Variants in ATAD2B observed in about 807,000 individuals in gnomAD.
The protein encoded by ATAD2B is ATPase family AAA domain containing 2B.
A neutral mutation model predicts 167.6 loss-of-function variants in ATAD2B; 40 were observed. That is an observed-to-expected ratio of 0.24 (90% CI 0.19 to 0.31). The LOEUF (loss-of-function observed/expected upper bound fraction) is 0.31. Among genes scored for constraint, ATAD2B ranks in the 10% least tolerant of loss-of-function variants. ATAD2B has a pLI of 1.00. For missense variants in ATAD2B, 1,242 were observed against 1,757.2 expected, an observed-to-expected ratio of 0.71 and a Z score of 5.24; for synonymous variants, 579 against 596.5, an observed-to-expected ratio of 0.97 and a Z score of 0.43.
intron 1 of ATAD2B, among the ~76,000 whole-genome samples, chr2:23,918,673 A>G (rs1222025481): frequency 6.6e-6 from 1 of 152,168 alleles, no homozygotes; most frequent in African/African-American, 2.4e-5. Context: ...AGTTGTCTAT[A>G]AACAGTAGGT....
chr2:23,754,932 A>C, intron 25 of ATAD2B, 158 bp from the exon 26 acceptor site: 1 of 668,268 alleles, frequency 1.5e-6, no homozygotes, highest in Non-Finnish European at 2.3e-6. Flanking sequence ...AATGTGGTAG[A>C]TTTTTTATTG....
chr2:23,714,641 G>A, the ATAD2B span, among the ~76,000 whole-genome samples: 4 of 151,722 alleles, frequency 2.6e-5, no homozygotes, highest in African/African-American at 7.3e-5. Context: ...AATCACTTGA[G>A]GTCAGGAGTT....
intron 5 of ATAD2B, 136 bp downstream of exon 5, chr2:23,885,591 T>G (rs1698549398): frequency 1.8e-6 from 1 of 544,642 alleles, no homozygotes. Context: ...AGCAATAAAA[T>G]CCCAAACTAA....
chr2:23,838,627 T>C (rs1690380314), intron 13 of ATAD2B, among the ~76,000 whole-genome samples: 2 of 152,202 alleles, frequency 1.3e-5, no homozygotes, highest in Admixed American at 6.5e-5. Context: ...CAAATATAGA[T>C]CTAAAATCCA....
chr2:23,903,352 C>A (rs777036712), intron 1 of ATAD2B, among the ~76,000 whole-genome samples: 6 of 151,958 alleles, frequency 3.9e-5, no homozygotes, highest in Non-Finnish European at 7.4e-5. Flanking sequence ...AGAACACAAT[C>A]CAAGGATGAG....
chr2:23,771,466 C>T (rs946078660), intron 22 of ATAD2B, among the ~76,000 whole-genome samples: 5 of 152,164 alleles, frequency 3.3e-5, no homozygotes, highest in African/African-American at 1.2e-4. Flanking sequence ...AACTGAAAAG[C>T]GGGGATAGGG....
At chr2:23,856,715 C>A (rs1178135126) in intron 13 of ATAD2B, among the ~76,000 whole-genome samples, 1 of 151,704 alleles carries the variant, frequency 6.6e-6, no homozygotes, top group African/African-American at 2.4e-5. Context: ...ACAAAATTAG[C>A]CAGGCATGGC....
chr2:23,884,210 C>A (rs540402872), intron 6 of ATAD2B, among the ~76,000 whole-genome samples: 17 of 152,244 alleles, frequency 1.1e-4, no homozygotes, highest in African/African-American at 3.9e-4. Flanking sequence ...ATTTATAATT[C>A]ATGGGGCCAA....
At chr2:23,775,772 A>G (rs1679010096) in intron 22 of ATAD2B, among the ~76,000 whole-genome samples, 1 of 152,126 alleles carries the variant, frequency 6.6e-6, no homozygotes, top group South Asian at 2.1e-4. Context: ...CACACTGTCT[A>G]TGAAATCTCA....
At chr2:23,685,105 C>T in the ATAD2B span, among the ~76,000 whole-genome samples, 1 of 152,266 alleles carries the variant, frequency 6.6e-6, no homozygotes, top group Non-Finnish European at 1.5e-5. Context: ...GATCCTTGTG[C>T]AGTGAGCCTA....
intron 1 of ATAD2B, among the ~76,000 whole-genome samples, chr2:23,905,380 C>G (rs996847242): frequency 6.6e-6 from 1 of 152,092 alleles, no homozygotes; most frequent in Non-Finnish European, 1.5e-5. Flanking sequence ...AAAAATTAGC[C>G]GTGAGTAGTG....
At chr2:23,752,218 A>C in intron 27 of ATAD2B, 131 bp from the exon 28 acceptor site, 2 of 679,208 alleles carry the variant, frequency 2.9e-6, no homozygotes, top group Non-Finnish European at 5.2e-6. Context: ...TATTTTCCTG[A>C]TTATAATACC....
intron 4 of ATAD2B, among the ~76,000 whole-genome samples, chr2:23,886,723 A>G (rs1475994804): frequency 6.6e-6 from 1 of 151,754 alleles, no homozygotes; most frequent in Non-Finnish European, 1.5e-5. Flanking sequence ...CGAGGTCAGG[A>G]GATAGAGACC....
the ATAD2B span, chr2:23,691,967 G>C: frequency 7.8e-7 from 1 of 1,288,820 alleles, no homozygotes; most frequent in African/African-American, 1.5e-5. Flanking sequence ...GGGGAGGTCT[G>C]TGTGTGCACA....
chr2:23,782,723 T>C, intron 22 of ATAD2B, 146 bp downstream of exon 22: 2 of 543,686 alleles, frequency 3.7e-6, no homozygotes, highest in Non-Finnish European at 6.2e-6. Flanking sequence ...TATTTTTATG[T>C]AGGCTATGAG....
the ATAD2B span, among the ~76,000 whole-genome samples, chr2:23,681,296 A>G: frequency 6.6e-6 from 1 of 152,246 alleles, no homozygotes; most frequent in Middle Eastern, 3.2e-3. This position sits in a 1 kb window ranked among gnomAD's most constrained non-coding sequence, Gnocchi z 4.2. Flanking sequence ...TATTAAATCC[A>G]GATTTCCACC....
chr2:23,729,985 A>G, the ATAD2B span, among the ~76,000 whole-genome samples: 1 of 152,356 alleles, frequency 6.6e-6, no homozygotes, highest in South Asian at 2.1e-4. Flanking sequence ...AGTAACTGGT[A>G]TAAGTAGACA....
intron 24 of ATAD2B, among the ~76,000 whole-genome samples, chr2:23,760,654 A>C (rs2149316538): frequency 6.6e-6 from 1 of 150,462 alleles, no homozygotes; most frequent in Middle Eastern, 3.5e-3. Context: ...ACAGAGAGAG[A>C]CTCTGTCTCA....
At chr2:23,691,622 G>A in the ATAD2B span, 260 of 1,478,078 alleles carry the variant, frequency 1.8e-4, 1 homozygote, top group African/African-American at 2.2e-3. Flanking sequence ...GTGAGGAAGC[G>A]GCACGGTGGC....
Sources: allele counts gnomAD v4.1 joint callset (sites outside exome capture counted in the v4.1 genomes callset), GRCh38; gene constraint gnomAD v4.1.1; non-coding constraint Gnocchi (gnomAD v3.1); transcripts MANE v1.5; gene names NCBI Gene and HGNC (gene_info 2026-07-23, HGNC 2026-07-21).